NRG3: variants seen among roughly 807,000 people sequenced by gnomAD.
NRG3 encodes the protein pro-neuregulin-3, membrane-bound isoform.
A neutral mutation model predicts 66.9 loss-of-function variants in NRG3; 31 were observed. The observed-to-expected ratio is 0.46, with a 90% CI of 0.35 to 0.63. The LOEUF (loss-of-function observed/expected upper bound fraction) is 0.63. NRG3 is among the 20% of genes least tolerant of loss of function. The pLI is 0.00. For missense variants in NRG3, 910 were observed against 878.9 expected (o/e 1.04, Z -0.45); for synonymous variants, 393 against 359.4 (o/e 1.09, Z -1.06).
intron 1 of NRG3, among the ~76,000 whole-genome samples, chr10:81,939,357 G>A (rs1848197082): frequency 6.6e-6 from 1 of 151,942 alleles, no homozygotes; most frequent in Non-Finnish European, 1.5e-5. Context: ...TCTTCCTTCA[G>A]TGTTTGCCAG....
intron 3 of NRG3, among the ~76,000 whole-genome samples, chr10:82,765,942 G>A (rs2059497157): frequency 1.3e-5 from 2 of 152,110 alleles, no homozygotes; most frequent in Admixed American, 1.3e-4. Context: ...CAGAATTTGT[G>A]TGTTTAAGGT....
At chr10:82,093,796 A>G (rs951568916) in intron 1 of NRG3, among the ~76,000 whole-genome samples, 32 of 152,224 alleles carry the variant, frequency 2.1e-4, no homozygotes, top group African/African-American at 7.2e-4. Flanking sequence ...GACAGTGTCC[A>G]GGTGGGAGAA....
At chr10:82,383,104 T>C (rs1042549748) in intron 2 of NRG3, among the ~76,000 whole-genome samples, 3 of 152,002 alleles carry the variant, frequency 2.0e-5, no homozygotes, top group Non-Finnish European at 4.4e-5. Flanking sequence ...GTAACACTGG[T>C]ATTAAAGTTT....
chr10:82,761,662 A>C (rs183920895), intron 3 of NRG3, among the ~76,000 whole-genome samples: 77 of 152,054 alleles, frequency 5.1e-4, no homozygotes, highest in African/African-American at 1.7e-3. Context: ...CATTTGAAAA[A>C]ATAAAATTAA....
chr10:82,705,574 G>C (rs892550823), intron 2 of NRG3, among the ~76,000 whole-genome samples: 3 of 152,286 alleles, frequency 2.0e-5, no homozygotes, highest in African/African-American at 7.2e-5. Context: ...TTTCTCTGAG[G>C]CTTAAAACCC....
chr10:82,569,095 G>C (rs2045584214), intron 2 of NRG3, among the ~76,000 whole-genome samples: 1 of 151,600 alleles, frequency 6.6e-6, no homozygotes. Context: ...TTATATTATA[G>C]TCATTTTTAT....
chr10:82,627,935 G>A (rs1219377974), intron 2 of NRG3, among the ~76,000 whole-genome samples: 3 of 152,150 alleles, frequency 2.0e-5, no homozygotes, highest in South Asian at 4.1e-4. Context: ...GTGCTTTTCC[G>A]GAATTGCCTC....
chr10:82,534,934 T>C (rs569964173), intron 2 of NRG3, among the ~76,000 whole-genome samples: 1 of 151,716 alleles, frequency 6.6e-6, no homozygotes, highest in South Asian at 2.1e-4. Context: ...AGGCCAAGAC[T>C]GGTGGATCAC....
In NRG3 at chr10:81,911,603, G is replaced by GGTTTTTTTTTTTTTTTTT. The variant is rs1306854861; in HGVS notation, c.823+35440_823+35441insGTTTTTTTTTTTTTTTTT. ...TGTCTTCACCCTCTAGCACAGACTTGTTTTTTTTTTTTTTTTTTTTTTTTT... is the reference window on the plus strand; with the variant it reads ...TGTCTTCACCCTCTAGCACAGACTTGGTTTTTTTTTTTTTTTTTTTTTTTTTTTTTTTTTTTTTTTTTT... On this transcript the variant is annotated intron_variant, in intron 1 of 8. Transcript: ENST00000372141. 2.6e-5 allele frequency among the ~76,000 whole-genome samples: 2 copies of GGTTTTTTTTTTTTTTTTT among 77,944 alleles called. 1 individual carries two copies. Among genetic ancestry groups the GGTTTTTTTTTTTTTTTTT allele is most frequent in the African/African-American group, 9.1e-5 (2 of 21,960 alleles). 51.1% of individuals were successfully genotyped at this position (77,944 alleles called of 152,430 possible). A position where few individuals can be genotyped will look rare whatever the true frequency, so the allele number is the denominator to read the frequency against.
chr10:82,055,269 G>A (rs960641991), intron 1 of NRG3, among the ~76,000 whole-genome samples: 1 of 151,898 alleles, frequency 6.6e-6, no homozygotes, highest in East Asian at 1.9e-4. Context: ...GAGGTCAGGA[G>A]ATCGAGACAA....
intron 2 of NRG3, among the ~76,000 whole-genome samples, chr10:82,362,465 C>T (rs569321426): frequency 6.7e-6 from 1 of 150,084 alleles, no homozygotes; most frequent in East Asian, 2.0e-4. Context: ...CCTCAATCTC[C>T]TGAGCTCAGG....
At chr10:82,275,877 C>T (rs1035543914) in intron 1 of NRG3, among the ~76,000 whole-genome samples, 3 of 151,958 alleles carry the variant, frequency 2.0e-5, no homozygotes, top group African/African-American at 7.2e-5. Flanking sequence ...ATAACACATT[C>T]TTCCAATGAT....
chr10:82,097,766 G>A (rs1415552657), intron 1 of NRG3, among the ~76,000 whole-genome samples: 4 of 151,930 alleles, frequency 2.6e-5, no homozygotes, highest in Non-Finnish European at 5.9e-5. Flanking sequence ...GGTAGTATCA[G>A]ATGTTTTTGT....
chr10:82,670,130 TC>T (rs2053148215), intron 2 of NRG3, among the ~76,000 whole-genome samples: 1 of 152,142 alleles, frequency 6.6e-6, no homozygotes, highest in East Asian at 1.9e-4. Flanking sequence ...ACCCTGTGTC[TC>T]CTGAACTCCT....
chr10:81,924,794 C>G (rs1846609319), intron 1 of NRG3, among the ~76,000 whole-genome samples: 1 of 152,186 alleles, frequency 6.6e-6, no homozygotes, highest in Non-Finnish European at 1.5e-5. Flanking sequence ...AAATGGCCAG[C>G]ATCCATAACA....
At chr10:82,493,685 G>A (rs1418554065) in intron 2 of NRG3, among the ~76,000 whole-genome samples, 1 of 152,086 alleles carries the variant, frequency 6.6e-6, no homozygotes, top group Non-Finnish European at 1.5e-5. Context: ...ACATAGGGAT[G>A]GGCAAAGATT....
intron 2 of NRG3, among the ~76,000 whole-genome samples, chr10:82,698,119 A>G (rs894986170): frequency 5.9e-5 from 9 of 152,174 alleles, no homozygotes; most frequent in Non-Finnish European, 1.3e-4. Flanking sequence ...CTTCCTACCT[A>G]TGGTGAAACA....
chr10:82,530,258 G>A (rs1266466171), intron 2 of NRG3, among the ~76,000 whole-genome samples: 1 of 151,998 alleles, frequency 6.6e-6, no homozygotes, highest in Admixed American at 6.6e-5. Flanking sequence ...GGAAGCCATG[G>A]AGCAGAAATG....
intron 2 of NRG3, among the ~76,000 whole-genome samples, chr10:82,628,731 G>T (rs955943885): frequency 6.6e-6 from 1 of 152,164 alleles, no homozygotes. Flanking sequence ...TGGAAGCTCT[G>T]TCATTTCAGG....
Sources: allele counts gnomAD v4.1 joint callset (sites outside exome capture counted in the v4.1 genomes callset), GRCh38; gene constraint gnomAD v4.1.1; transcripts MANE v1.5; gene names NCBI Gene and HGNC (gene_info 2026-07-23, HGNC 2026-07-21).